The following MAPKAP1 variants were observed in gnomAD, a reference collection of about 807,000 sequenced individuals.
MAPKAP1 encodes MAPK associated protein 1, also known as target of rapamycin complex 2 subunit MAPKAP1.
MAPKAP1 carries 20 observed loss-of-function variants against 65.7 expected under a neutral mutation model. The ratio of observed to expected loss-of-function variants is 0.30; its 90% CI spans 0.21 to 0.44. The LOEUF (loss-of-function observed/expected upper bound fraction) is 0.44, where lower values mean the gene tolerates loss of function less well. Ranked by LOEUF, MAPKAP1 falls within the 20% of genes least tolerant of loss-of-function variation. The pLI is 1.00. For missense variants in MAPKAP1, 423 were observed against 648.0 expected (o/e 0.65, Z 3.77); for synonymous variants, 222 against 244.3 (o/e 0.91, Z 0.85).
At chr9:125,596,490 C>T in intron 4 of MAPKAP1, 1 of 744,020 alleles carries the variant, frequency 1.3e-6, no homozygotes, top group South Asian at 1.3e-5. Context: ...ATTTTGAACC[C>T]ATGATGAAAG....
chr9:125,582,997 C>T (rs1202441398), intron 5 of MAPKAP1, among the ~76,000 whole-genome samples: 1 of 152,226 alleles, frequency 6.6e-6, no homozygotes, highest in African/African-American at 2.4e-5. Flanking sequence ...AACCCATCCA[C>T]AGCATGCTCT....
chr9:125,636,652 A>T (rs900050050), intron 4 of MAPKAP1, among the ~76,000 whole-genome samples: 2 of 152,256 alleles, frequency 1.3e-5, no homozygotes, highest in South Asian at 2.1e-4. Flanking sequence ...GCATGAATTA[A>T]CTGAGAAAAT....
chr9:125,567,722 G>A (rs902456803), intron 5 of MAPKAP1: 2 of 152,102 alleles, frequency 1.3e-5, no homozygotes, highest in African/African-American at 4.8e-5. Flanking sequence ...CAGGACCCCT[G>A]TCCTGTAACA....
At chr9:125,627,777 T>C (rs1439609130) in intron 4 of MAPKAP1, among the ~76,000 whole-genome samples, 1 of 151,826 alleles carries the variant, frequency 6.6e-6, no homozygotes, top group African/African-American at 2.4e-5. Flanking sequence ...CGGTAGATCT[T>C]GTGGGATATG....
At chr9:125,448,634 C>A (rs181649135) in intron 10 of MAPKAP1, among the ~76,000 whole-genome samples, 254 of 152,256 alleles carry the variant, frequency 1.7e-3, no homozygotes, top group African/African-American at 5.6e-3. Flanking sequence ...AGACCACCAG[C>A]GGTTTTCATA....
intron 4 of MAPKAP1, among the ~76,000 whole-genome samples, chr9:125,589,039 G>A (rs1424587908): frequency 6.6e-6 from 1 of 152,110 alleles, no homozygotes; most frequent in Non-Finnish European, 1.5e-5. Context: ...GGCTTTGCAT[G>A]CGTGACTCCT....
At chr9:125,703,837 T>C (rs997112031) in intron 1 of MAPKAP1, among the ~76,000 whole-genome samples, 3 of 151,486 alleles carry the variant, frequency 2.0e-5, no homozygotes, top group Non-Finnish European at 4.4e-5. Flanking sequence ...CATCTACAAC[T>C]GCGTCCGTAA....
intron 4 of MAPKAP1, among the ~76,000 whole-genome samples, chr9:125,606,348 G>A (rs1318911936): frequency 6.6e-6 from 1 of 152,180 alleles, no homozygotes; most frequent in Non-Finnish European, 1.5e-5. Context: ...TGCAGAAAGG[G>A]CTGTCCTCAT....
chr9:125,577,700 C>T (rs1159785533), intron 5 of MAPKAP1, among the ~76,000 whole-genome samples: 1 of 77,248 alleles, frequency 1.3e-5, no homozygotes, highest in African/African-American at 4.8e-5. Flanking sequence ...AGCCCCCCAC[C>T]CGGCCGGCCG....
At chr9:125,682,150 T>C (rs150070092) in intron 1 of MAPKAP1, among the ~76,000 whole-genome samples, 43 of 152,336 alleles carry the variant, frequency 2.8e-4, no homozygotes, top group African/African-American at 8.7e-4. Context: ...CATGGTTACT[T>C]TGTAGCTTCC....
At chr9:125,597,492 G>A (rs974808709) in intron 4 of MAPKAP1, among the ~76,000 whole-genome samples, 1 of 152,136 alleles carries the variant, frequency 6.6e-6, no homozygotes, top group African/African-American at 2.4e-5. Context: ...GCTGAATTAA[G>A]TCTTACAGAC....
At chr9:125,660,833 C>T (rs1262301680) in intron 3 of MAPKAP1, among the ~76,000 whole-genome samples, 3 of 152,198 alleles carry the variant, frequency 2.0e-5, no homozygotes, top group Non-Finnish European at 4.4e-5. Context: ...TCACCCCAAC[C>T]CTTGTTTCTT....
intron 10 of MAPKAP1, 45 bp from the exon 11 acceptor site, chr9:125,444,643 T>C: frequency 1.3e-5 from 18 of 1,384,168 alleles, no homozygotes; most frequent in Non-Finnish European, 1.2e-5. Context: ...GTGAGTTAAC[T>C]ATGGCGGGGG....
chr9:125,639,196 G>A (rs960064775), intron 4 of MAPKAP1, among the ~76,000 whole-genome samples: 4 of 152,090 alleles, frequency 2.6e-5, no homozygotes, highest in Non-Finnish European at 5.9e-5. Context: ...AGCCGAGAAT[G>A]CACCACTGCA....
At chr9:125,476,056 C>T (rs992103592) in intron 9 of MAPKAP1, among the ~76,000 whole-genome samples, 1 of 152,200 alleles carries the variant, frequency 6.6e-6, no homozygotes, top group Non-Finnish European at 1.5e-5. Context: ...TCATTAATAA[C>T]CCTGGGTTAC....
intron 2 of MAPKAP1, 128 bp from the exon 3 acceptor site, chr9:125,670,035 T>C: frequency 1.9e-6 from 1 of 521,644 alleles, no homozygotes; most frequent in Non-Finnish European, 3.3e-6. Context: ...TCATAAAATT[T>C]TAAAGGTGGC....
rs1832104211 is a variant in MAPKAP1, at chr9:125,595,725, G to A, written c.499-9998C>T. The stretch of plus-strand genomic sequence containing the variant: ...CAGCTAAGGAATCTCTTCATTGGAG[G>A]GTTGAGCTTTGAAACAACCAATGAG... On this transcript the variant is annotated intron_variant, in intron 4 of 11. Transcript: ENST00000265960. This position sits in a 1 kb window ranked among gnomAD's most constrained non-coding sequence, Gnocchi z 4.0. 6.5e-7 allele frequency: 1 copy of A among 1,541,918 alleles called. No individual in the cohort carries two copies. The highest frequency in any genetic ancestry group is 1.8e-5 in the Admixed American group (1 of 57,020).
At chr9:125,575,625 T>C (rs1273427964) in intron 5 of MAPKAP1, among the ~76,000 whole-genome samples, 3 of 152,166 alleles carry the variant, frequency 2.0e-5, no homozygotes, top group African/African-American at 7.2e-5. Flanking sequence ...ATGATGTAAT[T>C]AGGGAATTAC....
intron 7 of MAPKAP1, 79 bp downstream of exon 7, chr9:125,542,980 T>A: frequency 1.1e-6 from 1 of 935,396 alleles, no homozygotes; most frequent in Non-Finnish European, 1.8e-6. Context: ...TAGCCAGCCA[T>A]CACACACACA....
Sources: allele counts gnomAD v4.1 joint callset (sites outside exome capture counted in the v4.1 genomes callset), GRCh38; gene constraint gnomAD v4.1.1; non-coding constraint Gnocchi (gnomAD v3.1); transcripts MANE v1.5; gene names NCBI Gene and HGNC (gene_info 2026-07-23, HGNC 2026-07-21).